Variants in PLPPR4 observed in about 807,000 individuals in gnomAD.
PLPPR4 encodes phospholipid phosphatase-related protein type 4.
A neutral mutation model predicts 56.6 loss-of-function variants in PLPPR4; 24 were observed. The observed-to-expected ratio is 0.42, with a 90% CI of 0.31 to 0.60. The LOEUF is 0.60. Ranked by LOEUF, PLPPR4 falls within the 20% of genes least tolerant of loss-of-function variation. The pLI, the probability that PLPPR4 is intolerant of heterozygous loss-of-function variation, is 0.13. For missense variants in PLPPR4, 654 were observed against 885.8 expected (o/e 0.74, Z 3.32); for synonymous variants, 326 against 328.1 (o/e 0.99, Z 0.07).
chr1:99,263,261 C>T (rs976212401), upstream of PLPPR4, among the ~76,000 whole-genome samples: 1 of 152,026 alleles, frequency 6.6e-6, no homozygotes, highest in African/African-American at 2.4e-5. Flanking sequence ...GAATTGGGTT[C>T]AACTAAGCCG....
chr1:99,267,304 G>A (rs115926556), intron 1 of PLPPR4, among the ~76,000 whole-genome samples: 510 of 152,278 alleles, frequency 3.3e-3, no homozygotes, highest in African/African-American at 0.011. Context: ...ACTTACACTC[G>A]AGCCAGAGGG....
Position 99,307,121 on chromosome 1 carries a change from AG to A in PLPPR4, c.*112del. 1 of 1,325,496 alleles carries A rather than the reference AG, an allele frequency of 7.5e-7. No individual in the cohort carries two copies. 82.1% of individuals were successfully genotyped at this position (1,325,496 alleles called of 1,614,324 possible). A position where few individuals can be genotyped will look rare whatever the true frequency, so the allele number is the denominator to read the frequency against. On this transcript the variant is annotated 3_prime_UTR_variant, in exon 7 of 7. Transcript: ENST00000370185. Reference sequence around the variant, plus strand: ...TCACCAAGCTAGATTGTCTACCATCAGCCCAGAACTCTGTAACTTTTCAGAA... The same window carrying A: ...TCACCAAGCTAGATTGTCTACCATCACCCAGAACTCTGTAACTTTTCAGAA...
intron 1 of PLPPR4, among the ~76,000 whole-genome samples, chr1:99,268,449 T>C (rs1168123187): frequency 6.6e-6 from 1 of 152,226 alleles, no homozygotes; most frequent in Non-Finnish European, 1.5e-5. Context: ...GGCTGAGGTG[T>C]TGGTGTTCAG....
chr1:99,264,124 G>A, upstream of PLPPR4: 1 of 366,942 alleles, frequency 2.7e-6, no homozygotes, highest in Non-Finnish European at 4.9e-6. Flanking sequence ...AGCATTCCTA[G>A]AGTGACCTAG....
intron 1 of PLPPR4, among the ~76,000 whole-genome samples, chr1:99,275,756 G>T (rs1455945864): frequency 6.6e-6 from 1 of 152,134 alleles, no homozygotes; most frequent in Non-Finnish European, 1.5e-5. Context: ...GCACATCCTA[G>T]AAAATGCCTA....
At chr1:99,301,693 A>C in intron 5 of PLPPR4, 31 bp from the exon 6 acceptor site, 1 of 1,524,146 alleles carries the variant, frequency 6.6e-7, no homozygotes, top group Non-Finnish European at 8.9e-7. Context: ...GGCCTTTCTA[A>C]CATACTTAAC....
chr1:99,264,713 G>T, intron 1 of PLPPR4, 42 bp downstream of exon 1: 1 of 1,544,348 alleles, frequency 6.5e-7, no homozygotes. Flanking sequence ...GATCCTCTGG[G>T]CATCTCCTGA....
chr1:99,269,357 G>C (rs1658993014), intron 1 of PLPPR4, among the ~76,000 whole-genome samples: 1 of 152,206 alleles, frequency 6.6e-6, no homozygotes, highest in African/African-American at 2.4e-5. Flanking sequence ...CCAAGTCTTT[G>C]CTACTGTGAA....
intron 1 of PLPPR4, among the ~76,000 whole-genome samples, chr1:99,281,000 CAT>C (rs1027684365): frequency 2.0e-5 from 3 of 152,034 alleles, no homozygotes. Context: ...AGTTTGGAAA[CAT>C]TGTGGAGGAT....
chr1:99,283,581 T>C (rs1659384459), intron 1 of PLPPR4, among the ~76,000 whole-genome samples: 1 of 152,220 alleles, frequency 6.6e-6, no homozygotes, highest in Non-Finnish European at 1.5e-5. Context: ...ATTATAAGAA[T>C]CAGTCTTTTC....
Position 99,307,040 on chromosome 1 carries a change from C to A in PLPPR4, c.*30C>A. The A allele has an allele frequency of 3.9e-6, 6 of 1,549,636 alleles. No homozygotes were observed. Among genetic ancestry groups the A allele is most frequent in the Non-Finnish European group, 5.2e-6 (6 of 1,155,018 alleles). On this transcript the variant is annotated 3_prime_UTR_variant, in exon 7 of 7. Transcript: ENST00000370185. ...TGTCCATTCCATCATTAGGGCTACT[C>A]GCAAAAGACCATATGTTGATTCTAC... is the stretch of plus-strand genomic sequence containing the variant.
At chr1:99,285,174 T>G (rs819766) in intron 1 of PLPPR4, among the ~76,000 whole-genome samples, 4,789 of 152,278 alleles carry the variant, frequency 0.031, 151 homozygotes, top group African/African-American at 0.076. Context: ...AAAATCCACC[T>G]CTGTCACTTA....
intron 6 of PLPPR4, among the ~76,000 whole-genome samples, chr1:99,302,129 A>G (rs1370688126): frequency 3.3e-5 from 5 of 152,062 alleles, no homozygotes; most frequent in Non-Finnish European, 5.9e-5. Context: ...TTTTGTCTTT[A>G]TGCCAACCAA....
intron 2 of PLPPR4, among the ~76,000 whole-genome samples, chr1:99,288,808 A>G (rs1466363169): frequency 6.6e-6 from 1 of 152,176 alleles, no homozygotes; most frequent in African/African-American, 2.4e-5. Flanking sequence ...ATATAAGATG[A>G]CGAATATCCT....
intron 1 of PLPPR4, among the ~76,000 whole-genome samples, chr1:99,265,888 T>C (rs1393952297): frequency 2.0e-5 from 3 of 152,176 alleles, no homozygotes; most frequent in African/African-American, 7.2e-5. Context: ...TTTTAAATAA[T>C]TTCAGTTTCA....
At chr1:99,301,494 ACT>A (rs1659883539) in intron 5 of PLPPR4, among the ~76,000 whole-genome samples, 1 of 151,948 alleles carries the variant, frequency 6.6e-6, no homozygotes, top group Non-Finnish European at 1.5e-5. Flanking sequence ...TAAATGGTTA[ACT>A]CTACTGTTTT....
intron 6 of PLPPR4, among the ~76,000 whole-genome samples, chr1:99,304,757 G>A (rs574259582): frequency 2.5e-4 from 38 of 152,246 alleles, no homozygotes; most frequent in African/African-American, 8.9e-4. Flanking sequence ...TTTTGAACTT[G>A]AATAGTAGAC....
rs375799839 is a variant in PLPPR4 at position 99,303,234 on chromosome 1, G to A, written c.822+1337G>A. On this transcript the variant is annotated intron_variant, in intron 6 of 6. Coordinates refer to ENST00000370185, the MANE Select transcript of PLPPR4 (RefSeq NM_014839.5). ...GGTATCTGAAAGAGCAAGTGGAAGT[G>A]GAAGGTGGGGGAACAGGAGGAATGA... Among the ~76,000 whole-genome samples, 19 of 152,198 alleles carry A rather than the reference G, an allele frequency of 1.2e-4. No individual in the cohort carries two copies. The South Asian group carries it at 2.9e-3, about 23-fold the overall frequency.
intron 1 of PLPPR4, among the ~76,000 whole-genome samples, chr1:99,274,285 A>C (rs1295967655): frequency 6.6e-6 from 1 of 152,100 alleles, no homozygotes; most frequent in Non-Finnish European, 1.5e-5. Flanking sequence ...AAATGATGGA[A>C]CTATTGTGGT....
Sources: gnomAD v4.1 joint callset for allele counts (sites outside exome capture counted in the v4.1 genomes callset) on GRCh38, gnomAD v4.1.1 for gene constraint, MANE v1.5 for transcripts, NCBI Gene and HGNC (gene_info 2026-07-23, HGNC 2026-07-21) for gene names.